Variants in RELN observed in about 807,000 individuals in gnomAD.
The protein encoded by RELN is reelin.
In RELN, 108 loss-of-function variants were observed where a neutral mutation model predicts 427.6. That is an observed-to-expected ratio of 0.25 (90% CI 0.22 to 0.30). The LOEUF (loss-of-function observed/expected upper bound fraction) is 0.30, where lower values mean the gene tolerates loss of function less well. RELN is among the 10% of genes least tolerant of loss of function. The probability of loss-of-function intolerance (pLI) is 1.00; values close to 1 mark genes in which losing one functional copy is unlikely to be tolerated. For missense variants in RELN, 3,715 were observed against 4,302.8 expected, an observed-to-expected ratio of 0.86 and a Z score of 3.82; for synonymous variants, 1,524 against 1,513.4, an observed-to-expected ratio of 1.01 and a Z score of -0.16.
In RELN at chr7:103,519,316, T is replaced by C. The variant is rs922719168; in HGVS notation, c.7862+7A>G. ...ACTCGTTATTAGATATCAAATCGAA[T>C]ACAAACCCGGGCTTACTGTACTGGT... On this transcript the variant is annotated splice_region_variant and intron_variant, in intron 49 of 64. Coordinates refer to ENST00000428762, the MANE Select transcript of RELN (RefSeq NM_005045.4). 3 of 1,609,412 alleles carry C rather than the reference T, an allele frequency of 1.9e-6. No homozygotes were observed. The highest frequency in any genetic ancestry group is 2.6e-6 in the Non-Finnish European group (3 of 1,175,808).
chr7:103,670,439 G>A (rs1197561725), intron 11 of RELN, among the ~76,000 whole-genome samples: 1 of 151,950 alleles, frequency 6.6e-6, no homozygotes, highest in Non-Finnish European at 1.5e-5. Flanking sequence ...AAATAATGAA[G>A]GTCTATATTT....
rs1226957030 is a variant in RELN, at chr7:103,593,680, A to C, written c.3912+2T>G. 6.2e-7 allele frequency: 1 copy of C among 1,611,932 alleles called. No individual in the cohort carries two copies. Among genetic ancestry groups the C allele is most frequent in the Non-Finnish European group, 8.5e-7 (1 of 1,178,164 alleles). On this transcript the variant is annotated splice_donor_variant, in intron 27 of 64. Coordinates refer to ENST00000428762, the MANE Select transcript of RELN (RefSeq NM_005045.4). LOFTEE classifies it high-confidence loss of function. The stretch of plus-strand genomic sequence containing the variant: ...TCTGGGAAGAAGCTTGTGCATAAAT[A>C]CCTTGAACTGTAGCACATATCCAGG...
intron 3 of RELN, among the ~76,000 whole-genome samples, chr7:103,803,856 C>T (rs746531005): frequency 6.9e-4 from 105 of 152,038 alleles, no homozygotes; most frequent in Middle Eastern, 6.8e-3. Flanking sequence ...GATGCAGTTA[C>T]AGGAAATGCT....
intron 20 of RELN, among the ~76,000 whole-genome samples, chr7:103,621,974 A>C (rs2907929): frequency 0.76 from 115,796 of 152,196 alleles, 45,110 homozygotes; most frequent in African/African-American, 0.93. Flanking sequence ...TGAGATCGTG[A>C]CACTGCACTC....
chr7:103,880,842 GC>G (rs1284061921), intron 2 of RELN, among the ~76,000 whole-genome samples: 1 of 151,980 alleles, frequency 6.6e-6, no homozygotes, highest in East Asian at 1.9e-4. Flanking sequence ...ACAGGCATGT[GC>G]CACCATGCGC....
At chr7:103,943,459 A>G (rs763852055) in intron 1 of RELN, among the ~76,000 whole-genome samples, 18 of 152,172 alleles carry the variant, frequency 1.2e-4, no homozygotes, top group Admixed American at 3.9e-4. Context: ...CTCAAATTAA[A>G]TGTGCAAATT....
chr7:103,705,394 T>C (rs768533183), intron 8 of RELN, among the ~76,000 whole-genome samples: 20 of 152,104 alleles, frequency 1.3e-4, no homozygotes, highest in African/African-American at 3.6e-4. Context: ...GGAAGAAATA[T>C]AATAAAATCG....
At chr7:103,639,463 G>A (rs1317815223) in intron 17 of RELN, among the ~76,000 whole-genome samples, 3 of 147,760 alleles carry the variant, frequency 2.0e-5, no homozygotes, top group Non-Finnish European at 4.4e-5. Flanking sequence ...GCAGTGACAC[G>A]ATCTTGGCTC....
intron 1 of RELN, among the ~76,000 whole-genome samples, chr7:103,924,416 AG>A (rs1436370788): frequency 6.6e-6 from 1 of 152,004 alleles, no homozygotes; most frequent in Non-Finnish European, 1.5e-5. Context: ...CAAAATAATA[AG>A]GTCAAAGAGC....
chr7:103,541,591 C>T (rs143192100), intron 43 of RELN, among the ~76,000 whole-genome samples: 23 of 152,270 alleles, frequency 1.5e-4, no homozygotes, highest in African/African-American at 5.5e-4. Flanking sequence ...GTAATGAAAA[C>T]ATACATGGTT....
intron 8 of RELN, among the ~76,000 whole-genome samples, chr7:103,716,368 A>G (rs1398439248): frequency 6.6e-6 from 1 of 152,176 alleles, no homozygotes; most frequent in East Asian, 1.9e-4. Context: ...GAACTTCTCA[A>G]AGATTGGGGC....
rs571586091 is a variant in RELN, at chr7:103,679,763, G to A, written c.1289+2353C>T. ...CCAAAAATTCTCTTATATTATTTGT[G>A]CTCTATGAAAGCAGAATGTCTGATC... On this transcript the variant is annotated intron_variant, in intron 11 of 64. Coordinates refer to ENST00000428762, the MANE Select transcript of RELN (RefSeq NM_005045.4). Among the ~76,000 whole-genome samples the A allele has an allele frequency of 1.8e-3, 272 of 151,872 alleles. 1 individual carries two copies. Among genetic ancestry groups the A allele is most frequent in the African/African-American group, 5.9e-3 (245 of 41,392 alleles).
chr7:103,776,733 TATG>T, intron 3 of RELN, 106 bp from the exon 4 acceptor site: 2 of 1,152,518 alleles, frequency 1.7e-6, no homozygotes, highest in Non-Finnish European at 2.6e-6. Flanking sequence ...ATTGTGTGGA[TATG>T]ATATTTTTAA....
chr7:103,722,946 G>A (rs1790114133), intron 8 of RELN, among the ~76,000 whole-genome samples, 194 bp downstream of exon 8: 1 of 152,080 alleles, frequency 6.6e-6, no homozygotes, highest in Non-Finnish European at 1.5e-5. Context: ...TTCACTGCTG[G>A]AGAGAAGTGA....
chr7:103,787,692 A>G (rs1369411940), intron 3 of RELN, among the ~76,000 whole-genome samples: 3 of 152,198 alleles, frequency 2.0e-5, no homozygotes, highest in Admixed American at 6.5e-5. Context: ...GCAGTAAATA[A>G]TAGCCTACCA....
At chr7:103,719,887 A>C (rs1790032756) in intron 8 of RELN, among the ~76,000 whole-genome samples, 1 of 152,188 alleles carries the variant, frequency 6.6e-6, no homozygotes, top group South Asian at 2.1e-4. Context: ...AAAAATGAAA[A>C]GTTCTTCTAC....
chr7:103,474,422 AAG>A (rs1827959636), intron 64 of RELN, among the ~76,000 whole-genome samples: 1 of 152,142 alleles, frequency 6.6e-6, no homozygotes, highest in Non-Finnish European at 1.5e-5. Context: ...TATAGAGAAA[AAG>A]ATTTCAAAAA....
chr7:103,500,639 G>T, intron 53 of RELN, 106 bp downstream of exon 53: 1 of 1,117,220 alleles, frequency 9.0e-7, no homozygotes. Flanking sequence ...TTTCTTTCCT[G>T]GGGGACCCAA....
chr7:103,904,165 T>C (rs1030174741), intron 2 of RELN, among the ~76,000 whole-genome samples: 2 of 152,188 alleles, frequency 1.3e-5, no homozygotes, highest in African/African-American at 2.4e-5. Flanking sequence ...TTCATCCATG[T>C]CCCTGCAAAG....
Sources: gnomAD v4.1 joint callset for allele counts (sites outside exome capture counted in the v4.1 genomes callset) on GRCh38, gnomAD v4.1.1 for gene constraint, MANE v1.5 for transcripts, NCBI Gene and HGNC (gene_info 2026-07-23, HGNC 2026-07-21) for gene names.